Variants in PHF14 observed in about 807,000 individuals in gnomAD.
PHF14 encodes PHD finger protein 14.
In PHF14, 55 loss-of-function variants were observed where a neutral mutation model predicts 117.9. The ratio of observed to expected loss-of-function variants is 0.47; its 90% confidence interval spans 0.38 to 0.58. The LOEUF (loss-of-function observed/expected upper bound fraction) is 0.58, where lower values mean the gene tolerates loss of function less well. Among genes scored for constraint, PHF14 ranks in the 20% least tolerant of loss-of-function variants. The pLI is 0.00. For synonymous variants in PHF14, 409 were observed against 368.6 expected (o/e 1.11, Z -1.26); for missense variants, 978 against 1,122.2 (o/e 0.87, Z 1.84).
chr7:11,084,779 A>G (rs1435707133), intron 16 of PHF14, among the ~76,000 whole-genome samples: 3 of 152,128 alleles, frequency 2.0e-5, no homozygotes, highest in African/African-American at 7.2e-5. Context: ...TGTCAATTTG[A>G]TGGATGAAAA....
intron 16 of PHF14, among the ~76,000 whole-genome samples, chr7:11,092,787 A>G (rs1786693262): frequency 6.6e-6 from 1 of 152,050 alleles, no homozygotes; most frequent in African/African-American, 2.4e-5. Context: ...TAGGGCTTTT[A>G]GGGAGGAGAT....
intron 5 of PHF14, among the ~76,000 whole-genome samples, chr7:11,016,520 A>G (rs963875092): frequency 2.0e-5 from 3 of 152,158 alleles, no homozygotes; most frequent in African/African-American, 7.2e-5. Flanking sequence ...TTTATTTTAT[A>G]TCTTATGGAG....
chr7:11,035,341 G>T (rs2128322060), intron 7 of PHF14, among the ~76,000 whole-genome samples: 1 of 152,126 alleles, frequency 6.6e-6, no homozygotes, highest in Non-Finnish European at 1.5e-5. Context: ...GTCCCCCATG[G>T]ATATTGAAGG....
chr7:11,000,355 T>A (rs1323432252), intron 4 of PHF14, among the ~76,000 whole-genome samples: 4 of 144,028 alleles, frequency 2.8e-5, no homozygotes, highest in Non-Finnish European at 4.5e-5. Context: ...TTTTTTTTTT[T>A]TTGAGATGGA....
chr7:11,165,029 A>C (rs1789161839), intron 17 of PHF14, among the ~76,000 whole-genome samples: 1 of 152,042 alleles, frequency 6.6e-6, no homozygotes, highest in Admixed American at 6.5e-5. Context: ...GGTTCAAGCG[A>C]TTCTCCTGCC....
At position 10,974,873 on chromosome 7, in the gene PHF14, G is replaced by A. The variant is rs1448921179; in HGVS notation, c.40G>A (p.Ala14Thr). ...SSKRRQVKPL[A>T]ASLLEALDYD... Reference sequence around the variant, plus strand: ...CAAGAGGAGGCAGGTGAAGCCTTTGGCAGCTTCTCTGCTGGAAGCTCTTGA... The same window carrying A: ...CAAGAGGAGGCAGGTGAAGCCTTTGACAGCTTCTCTGCTGGAAGCTCTTGA... The change falls in exon 2 of 18, where the codon GCA (alanine) becomes ACA (threonine). Residue 14 changes from alanine (A) to threonine (T), a missense_variant. Physicochemically the swap from Ala to Thr is moderately conservative, Grantham distance 58. Around this residue, in one of 7 missense-constraint regions of PHF14, gnomAD observed 414 missense variants for 376.4 expected, o/e 1.10. Transcript: ENST00000634607. 1.3e-6 allele frequency: 2 copies of A among 1,594,902 alleles called. No homozygotes were observed. Among genetic ancestry groups the A allele is most frequent in the Non-Finnish European group, 1.7e-6 (2 of 1,169,914 alleles).
intron 16 of PHF14, among the ~76,000 whole-genome samples, chr7:11,066,018 G>C (rs776660731): frequency 6.6e-6 from 1 of 152,146 alleles, no homozygotes; most frequent in Non-Finnish European, 1.5e-5. Flanking sequence ...ATGCTTGCCA[G>C]ATTCTCCCCT....
chr7:11,122,444 TATATATATATA>T (rs1787804803), intron 17 of PHF14, among the ~76,000 whole-genome samples: 1 of 119,432 alleles, frequency 8.4e-6, no homozygotes, highest in African/African-American at 3.2e-5. Context: ...TATATATACG[TATATATATATA>T]TTGTGTGTGT....
chr7:11,150,720 A>G (rs1788678089), intron 17 of PHF14, among the ~76,000 whole-genome samples: 2 of 152,142 alleles, frequency 1.3e-5, no homozygotes, highest in South Asian at 4.1e-4. Context: ...TTAGGTATTT[A>G]TTGTGCTGTT....
intron 17 of PHF14, among the ~76,000 whole-genome samples, chr7:11,122,753 C>T (rs1015077390): frequency 4.6e-5 from 7 of 152,130 alleles, no homozygotes; most frequent in Non-Finnish European, 8.8e-5. Context: ...GTATGGTCCA[C>T]ATTGTCCTTC....
intron 6 of PHF14, among the ~76,000 whole-genome samples, chr7:11,023,995 C>T (rs1281765156): frequency 6.6e-6 from 1 of 152,190 alleles, no homozygotes; most frequent in Non-Finnish European, 1.5e-5. Flanking sequence ...AGCTGGGCCT[C>T]TTCTGCCGAA....
intron 4 of PHF14, among the ~76,000 whole-genome samples, chr7:11,008,833 A>AG (rs1783229836): frequency 6.6e-6 from 1 of 152,034 alleles, no homozygotes; most frequent in Non-Finnish European, 1.5e-5. Flanking sequence ...CAGGAGATCG[A>AG]GACCATCCTG....
chr7:11,117,498 A>G (rs1240417545), intron 17 of PHF14, among the ~76,000 whole-genome samples: 1 of 149,042 alleles, frequency 6.7e-6, no homozygotes, highest in Non-Finnish European at 1.5e-5. Context: ...TAAGTAGAGG[A>G]CATACGATAT....
chr7:10,981,169 G>A (rs1782032594), intron 2 of PHF14, among the ~76,000 whole-genome samples: 1 of 152,078 alleles, frequency 6.6e-6, no homozygotes, highest in Non-Finnish European at 1.5e-5. Context: ...TTAGTGCTTA[G>A]TTAATTACAG....
chr7:11,096,487 T>A (rs770293331), intron 16 of PHF14, among the ~76,000 whole-genome samples: 1 of 152,294 alleles, frequency 6.6e-6, no homozygotes, highest in Non-Finnish European at 1.5e-5. Context: ...AATACAGACC[T>A]GACAGTTCCA....
chr7:11,053,369 A>G (rs1336466333), intron 14 of PHF14, among the ~76,000 whole-genome samples: 1 of 152,072 alleles, frequency 6.6e-6, no homozygotes, highest in Non-Finnish European at 1.5e-5. Context: ...TCAACTTGAA[A>G]TAGTTTTTAT....
At chr7:11,029,652 A>T (rs572129176) in intron 7 of PHF14, among the ~76,000 whole-genome samples, 1 of 152,284 alleles carries the variant, frequency 6.6e-6, no homozygotes, top group African/African-American at 2.4e-5. Context: ...AAAAATTTTC[A>T]GTTTTAATTT....
At chr7:11,156,632 A>G (rs1180873458) in intron 17 of PHF14, among the ~76,000 whole-genome samples, 1 of 151,860 alleles carries the variant, frequency 6.6e-6, no homozygotes, top group Non-Finnish European at 1.5e-5. Context: ...TATCTCTACT[A>G]AAAAATACAA....
At chr7:11,074,544 C>T (rs1785754656) in intron 16 of PHF14, among the ~76,000 whole-genome samples, 1 of 152,126 alleles carries the variant, frequency 6.6e-6, no homozygotes, top group African/African-American at 2.4e-5. Flanking sequence ...TTCCTTGCTC[C>T]TGTATCGATT....
Sources: gnomAD v4.1 joint callset for allele counts (sites outside exome capture counted in the v4.1 genomes callset) on GRCh38, gnomAD v4.1.1 for gene constraint, gnomAD v4.1.1 regional missense constraint, MANE v1.5 for transcripts, NCBI Gene and HGNC (gene_info 2026-07-23, HGNC 2026-07-21) for gene names.